Variants in HCN3 observed in about 807,000 individuals in gnomAD.
HCN3 encodes the protein potassium/sodium hyperpolarization-activated cyclic nucleotide-gated channel 3.
A neutral mutation model predicts 56.8 loss-of-function variants in HCN3; 36 were observed. The ratio of observed to expected loss-of-function variants is 0.63; its 90% CI spans 0.49 to 0.84. HCN3 has a LOEUF of 0.84. HCN3 is among the 40% of genes least tolerant of loss of function. The pLI is 0.00. For missense variants in HCN3, 930 were observed against 1,079.3 expected, an observed-to-expected ratio of 0.86 and a Z score of 1.94; for synonymous variants, 425 against 439.7, an observed-to-expected ratio of 0.97 and a Z score of 0.42.
In HCN3 at chr1:155,280,259, A is replaced by AT. The variant is rs1305332357; in HGVS notation, c.279-2149dup. ...CACACCGGCAAATTTTTATTTATTT[A>AT]TTTATTTTATTTATTTATTTATTTT... On this transcript the variant is annotated intron_variant, in intron 1 of 7. Transcript: ENST00000368358. Among the ~76,000 whole-genome samples, 69 of 131,622 alleles carry AT rather than the reference A, an allele frequency of 5.2e-4. 1 individual carries two copies. The highest frequency in any genetic ancestry group is 1.9e-3 in the African/African-American group (59 of 30,832). 86.3% of individuals were successfully genotyped at this position (131,622 alleles called of 152,430 possible).
chr1:155,289,530 C>T lies in HCN3; in HGVS notation c.*1067C>T, dbSNP rs761217490. 6.6e-6 allele frequency: 1 copy of T among 152,322 alleles called. No individual in the cohort carries two copies. The highest frequency in any genetic ancestry group is 1.9e-4 in the East Asian group (1 of 5,278). The allele number at this position is 152,322 out of a possible 1,614,324, so 9.4% of individuals were successfully genotyped here. A position where few individuals can be genotyped will look rare whatever the true frequency, so the allele number is the denominator to read the frequency against. On this transcript the variant is annotated 3_prime_UTR_variant, in exon 8 of 8. Transcript: ENST00000368358. ...AGCCACATGAGAGAGGGAGAAGGAC[C>T]GCGTTTACCTTTAGAGTTTTGTTTT... is the stretch of plus-strand genomic sequence containing the variant.
At chr1:155,280,242 C>A (rs1334568885) in intron 1 of HCN3, among the ~76,000 whole-genome samples, 4 of 147,520 alleles carry the variant, frequency 2.7e-5, no homozygotes, top group Admixed American at 2.0e-4. Flanking sequence ...ACCACACCGG[C>A]AAATTTTTAT....
intron 1 of HCN3, among the ~76,000 whole-genome samples, chr1:155,281,290 C>T (rs761373317): frequency 1.3e-4 from 19 of 150,954 alleles, no homozygotes; most frequent in Non-Finnish European, 2.4e-4. Context: ...AGGATGGTCT[C>T]GAGCTCTTGA....
Position 155,284,954 on chromosome 1 carries a change from C to T in HCN3, c.1089+197C>T, listed in dbSNP as rs866068553. Reference sequence around the variant, plus strand: ...CTGTGCTTGGCCCCTCTGCTGTCCACGCCTGGGTTTTCCTATGACTGTGCT... The same window carrying T: ...CTGTGCTTGGCCCCTCTGCTGTCCATGCCTGGGTTTTCCTATGACTGTGCT... On this transcript the variant is annotated intron_variant, in intron 4 of 7. Transcript: ENST00000368358. This position sits in a 1 kb window ranked among gnomAD's most constrained non-coding sequence, Gnocchi z 4.3. Among the ~76,000 whole-genome samples, 24 of 152,320 alleles carry T rather than the reference C, an allele frequency of 1.6e-4. No homozygotes were observed. The highest frequency in any genetic ancestry group is 6.8e-3 in the Middle Eastern group (2 of 294).
chr1:155,287,799 T>C lies in HCN3; in HGVS notation c.1661T>C (p.Leu554Pro). 1 of 1,593,652 alleles carries C rather than the reference T, an allele frequency of 6.3e-7. No individual in the cohort carries two copies. The highest frequency in any genetic ancestry group is 8.6e-7 in the Non-Finnish European group (1 of 1,167,790). Residue 554 changes from leucine to proline, a missense_variant, in exon 8 of 8, where the codon CTG (leucine) becomes CCG (proline). Leu to Pro is a moderately conservative substitution (Grantham distance 98). Coordinates refer to ENST00000368358, the MANE Select transcript of HCN3 (RefSeq NM_020897.3). Reference protein sequence around the residue: ...LLRIGKKNSILQRKRSEPSPG... With the variant: ...LLRIGKKNSIPQRKRSEPSPG... ...CTTCTAGGCAAGAAGAATTCCATAC[T>C]GCAGCGGAAGCGCTCCGAGCCAAGT...
Position 155,285,783 on chromosome 1 carries a change from C to G in HCN3, c.1296C>G (p.Ala432=). The G allele has an allele frequency of 6.2e-7, 1 of 1,614,186 alleles. No individual in the cohort carries two copies. ...CCCACATGCCGCTGTTTGCCCATGC[C>G]GACCCCAGCTTCGTCACTGCAGTTC... The part of the protein sequence containing the change: ...LVAHMPLFAH[A]DPSFVTAVLT... The change falls in exon 6 of 8, where the codon GCC becomes GCG. Residue 432 remains alanine (A), a synonymous_variant. Transcript: ENST00000368358. The surrounding 1 kb of genome is among the most constrained non-coding windows in gnomAD (Gnocchi z 4.5).
chr1:155,287,695 C>A, intron 7 of HCN3, 86 bp from the exon 8 acceptor site: 1 of 1,516,332 alleles, frequency 6.6e-7, no homozygotes, highest in Middle Eastern at 1.9e-4. Context: ...CCACCCCATC[C>A]TGATACTCTC....
In HCN3 at chr1:155,285,937, C is replaced by A. The variant is rs751634062; in HGVS notation, c.1450C>A (p.Arg484Ser). 1.3e-6 allele frequency: 2 copies of A among 1,598,174 alleles called. No individual in the cohort carries two copies. The highest frequency in any genetic ancestry group is 2.2e-5 in the East Asian group (1 of 44,528). Residue 484 changes from arginine to serine, a missense_variant, in exon 6 of 8, where the codon CGC becomes AGC. Arg to Ser is a moderately radical substitution (Grantham distance 110). Coordinates refer to ENST00000368358, the MANE Select transcript of HCN3 (RefSeq NM_020897.3). This position sits in a 1 kb window ranked among gnomAD's most constrained non-coding sequence, Gnocchi z 4.5. ...SVLARGARDT[R>S]LTDGSYFGEI... The stretch of plus-strand genomic sequence containing the variant: ...GCTGGCCCGCGGCGCCCGGGACACA[C>A]GCCTCACCGATGGATCCTACTTTGG...
intron 1 of HCN3, among the ~76,000 whole-genome samples, chr1:155,281,663 C>T (rs1438269273): frequency 1.3e-5 from 2 of 152,200 alleles, no homozygotes; most frequent in Non-Finnish European, 2.9e-5. Flanking sequence ...GTCACCAGGC[C>T]TGGCCTAATT....
intron 1 of HCN3, 111 bp downstream of exon 1, chr1:155,277,979 G>C: frequency 7.5e-7 from 1 of 1,336,186 alleles, no homozygotes; most frequent in Non-Finnish European, 1.0e-6. Context: ...TCCAGCCCGG[G>C]GTCCCTTGGT....
Position 155,284,521 on chromosome 1 carries a change from A to AT in HCN3, c.871-17dup. ...CGAGGGGCCCATGCCCAGCTCTGCA[A>AT]TATACTCTGCCCCTCAGAACCACTC... is the stretch of plus-strand genomic sequence containing the variant. On this transcript the variant is annotated splice_polypyrimidine_tract_variant and intron_variant, in intron 3 of 7. Transcript: ENST00000368358. The surrounding 1 kb of genome is among the most constrained non-coding windows in gnomAD (Gnocchi z 4.3). 6.2e-7 allele frequency: 1 copy of AT among 1,606,742 alleles called. No individual in the cohort carries two copies.
At position 155,285,288 on chromosome 1, in the gene HCN3, G is replaced by T. The variant is rs1481497043; in HGVS notation, c.1213G>T (p.Glu405Ter). The T allele has an allele frequency of 6.3e-7, 1 of 1,592,450 alleles. No individual in the cohort carries two copies. Among genetic ancestry groups the T allele is most frequent in the Non-Finnish European group, 8.5e-7 (1 of 1,169,996 alleles). ...GTTCGATGAGGAAAGCATCCTGGGC[G>T]AGCTGAGCGAGCCGCTTCGCGAGGT... ...KMFDEESILG[E>*]LSEPLREEII... is the part of the protein sequence containing the mutation. Residue 405 changes from glutamate (E) to a stop codon, truncating the protein, a stop_gained, in exon 5 of 8, where the codon GAG becomes TAG. Coordinates refer to ENST00000368358, the MANE Select transcript of HCN3 (RefSeq NM_020897.3). LOFTEE classifies it high-confidence loss of function. The surrounding 1 kb of genome is among the most constrained non-coding windows in gnomAD (Gnocchi z 4.5).
rs546189949 is a variant in HCN3, at chr1:155,284,895, C to T, written c.1089+138C>T. On this transcript the variant is annotated intron_variant, in intron 4 of 7. Transcript: ENST00000368358. The surrounding 1 kb of genome is among the most constrained non-coding windows in gnomAD (Gnocchi z 4.3). ...GCCCTGTGTCCATTTGTTCCCTGCC[C>T]CTGCATGTACCTTTTCCTTGTTTGA... 8.1e-6 allele frequency: 7 copies of T among 869,460 alleles called. No homozygotes were observed. In the East Asian group the frequency reaches 1.9e-4, roughly 23 times the overall value. The allele number at this position is 869,460 out of a possible 1,614,324, so 53.9% of individuals were successfully genotyped here.
rs1030973582 is a variant in HCN3, at chr1:155,282,247, T to C, written c.279-164T>C. On this transcript the variant is annotated intron_variant, in intron 1 of 7. Coordinates refer to ENST00000368358, the MANE Select transcript of HCN3 (RefSeq NM_020897.3). This position sits in a 1 kb window ranked among gnomAD's most constrained non-coding sequence, Gnocchi z 4.7. ...AACTTCACTAGATAATGCTGAACTA[T>C]TTTCCCAAATGGTGGTCCCAACTTA... Among the ~76,000 whole-genome samples, 3 of 152,260 alleles carry C rather than the reference T, an allele frequency of 2.0e-5. No individual in the cohort carries two copies. Among genetic ancestry groups the C allele is most frequent in the African/African-American group, 7.2e-5 (3 of 41,472 alleles).
Position 155,285,438 on chromosome 1 carries a change from A to G in HCN3, c.1236+127A>G. 3.1e-6 allele frequency: 4 copies of G among 1,293,694 alleles called. No homozygotes were observed. The highest frequency in any genetic ancestry group is 4.2e-6 in the Non-Finnish European group (4 of 952,012). The allele number at this position is 1,293,694 out of a possible 1,614,324, so 80.1% of individuals were successfully genotyped here. ...CCTGCAGAGGGCCCCGTGGGAGGCC[A>G]GGTATTTGGGCTTTCAGGGGCTAGG... On this transcript the variant is annotated intron_variant, in intron 5 of 7. Coordinates refer to ENST00000368358, the MANE Select transcript of HCN3 (RefSeq NM_020897.3). The surrounding 1 kb of genome is among the most constrained non-coding windows in gnomAD (Gnocchi z 4.5).
At position 155,282,755 on chromosome 1, in the gene HCN3, G is replaced by C; in HGVS notation, c.623G>C (p.Arg208Pro). 1 of 1,614,154 alleles carries C rather than the reference G, an allele frequency of 6.2e-7. No individual in the cohort carries two copies. The highest frequency in any genetic ancestry group is 1.1e-5 in the South Asian group (1 of 91,084). ...AEVYKTARAL[R>P]IVRFTKILSL... ...GTCTACAAAACGGCACGGGCCCTAC[G>C]CATCGTTCGCTTCACCAAGATCCTA... Residue 208 changes from arginine (R) to proline (P), a missense_variant, in exon 2 of 8, where the codon CGC (arginine) becomes CCC (proline). Physicochemically the swap from Arg to Pro is moderately radical, Grantham distance 103. Transcript: ENST00000368358. The surrounding 1 kb of genome is among the most constrained non-coding windows in gnomAD (Gnocchi z 4.7).
At position 155,277,511 on chromosome 1, in the gene HCN3, C is replaced by T. The variant is rs913995267; in HGVS notation, c.-80C>T. ...GCTAGAGCCCGCGGGGCTGCGCCGA[C>T]TCCTGCTCTGGAGGGGTTGCGGGTA... is the stretch of plus-strand genomic sequence containing the variant. On this transcript the variant is annotated 5_prime_UTR_variant, in exon 1 of 8. Coordinates refer to ENST00000368358, the MANE Select transcript of HCN3 (RefSeq NM_020897.3). The T allele has an allele frequency of 3.6e-5, 52 of 1,449,440 alleles. No homozygotes were observed. Among genetic ancestry groups the T allele is most frequent in the Non-Finnish European group, 4.6e-5 (51 of 1,097,178 alleles). The allele number at this position is 1,449,440 out of a possible 1,614,324, so 89.8% of individuals were successfully genotyped here.
At position 155,282,426 on chromosome 1, in the gene HCN3, G is replaced by T; in HGVS notation, c.294G>T (p.Leu98=). ...PYSDFRFYWD[L]IMLLLMVGNL... is the part of the protein sequence containing the mutation. ...CCCACCTTAGGTTTTACTGGGACCTGATCATGCTGCTGCTGATGGTGGGGA... is the reference window on the plus strand; with the variant it reads ...CCCACCTTAGGTTTTACTGGGACCTTATCATGCTGCTGCTGATGGTGGGGA... Residue 98 remains leucine (L), a synonymous_variant, in exon 2 of 8, where the codon CTG becomes CTT. Transcript: ENST00000368358. The surrounding 1 kb of genome is among the most constrained non-coding windows in gnomAD (Gnocchi z 4.7). The T allele has an allele frequency of 6.2e-7, 1 of 1,614,212 alleles. No homozygotes were observed. The highest frequency in any genetic ancestry group is 2.2e-5 in the East Asian group (1 of 44,892).
chr1:155,281,856 G>C (rs1362255190), intron 1 of HCN3, among the ~76,000 whole-genome samples: 1 of 152,168 alleles, frequency 6.6e-6, no homozygotes, highest in South Asian at 2.1e-4. Flanking sequence ...CTCCTGAGTA[G>C]CTGGGACTTT....
Sources: allele counts gnomAD v4.1 joint callset (sites outside exome capture counted in the v4.1 genomes callset), GRCh38; gene constraint gnomAD v4.1.1; non-coding constraint Gnocchi (gnomAD v3.1); transcripts MANE v1.5; gene names NCBI Gene and HGNC (gene_info 2026-07-23, HGNC 2026-07-21).